Variants in STYXL1 observed in about 807,000 individuals in gnomAD.
The protein encoded by STYXL1 is serine/threonine/tyrosine-interacting-like protein 1.
In STYXL1, 32 loss-of-function variants were observed where a neutral mutation model predicts 36.4. That is an observed-to-expected ratio of 0.88 (90% confidence interval 0.66 to 1.18). The LOEUF is 1.18. STYXL1 is among the 50% of genes most tolerant of loss of function. STYXL1 has a pLI of 0.00. For synonymous variants in STYXL1, 133 were observed against 144.1 expected (o/e 0.92, Z 0.55); for missense variants, 354 against 394.1 (o/e 0.90, Z 0.86).
chr7:75,996,695 C>A, intron 8 of STYXL1, 96 bp from the exon 9 acceptor site: 1 of 1,187,626 alleles, frequency 8.4e-7, no homozygotes, highest in Non-Finnish European at 1.2e-6. Flanking sequence ...GGCACTTGCA[C>A]AGTGCCAGCA....
chr7:76,002,054 C>T (rs555103562), intron 7 of STYXL1, among the ~76,000 whole-genome samples: 2 of 152,238 alleles, frequency 1.3e-5, no homozygotes, highest in African/African-American at 4.8e-5. Context: ...AGTAACCCTC[C>T]GCCTTAGCCT....
intron 1 of STYXL1, among the ~76,000 whole-genome samples, chr7:76,035,958 G>C (rs879998203): frequency 2.7e-5 from 4 of 149,830 alleles, no homozygotes; most frequent in Non-Finnish European, 6.0e-5. Context: ...GGATGAGATC[G>C]GTCCCTGAAC....
rs551742881 is a variant in STYXL1, at chr7:76,025,979, T to C, written c.165+2663A>G. ...AGGCTGAGGTGGGCGGATCATGAGA[T>C]CAGAAGATCGAGAGCATCCTGGCTA... On this transcript the variant is annotated intron_variant, in intron 3 of 8. Coordinates refer to ENST00000359697, the MANE Select transcript of STYXL1 (RefSeq NM_001317785.2). 2.8e-3 allele frequency among the ~76,000 whole-genome samples: 422 copies of C among 150,980 alleles called. 1 individual carries two copies. Among genetic ancestry groups the C allele is most frequent in the Non-Finnish European group, 5.1e-3 (343 of 67,754 alleles).
chr7:76,027,224 T>C (rs1320519282), intron 3 of STYXL1, among the ~76,000 whole-genome samples: 1 of 150,670 alleles, frequency 6.6e-6, no homozygotes, highest in Non-Finnish European at 1.5e-5. Context: ...CCTGGAGGCG[T>C]GGGGAAAAGG....
chr7:76,006,366 C>G (rs992362145), intron 5 of STYXL1, among the ~76,000 whole-genome samples: 1 of 152,138 alleles, frequency 6.6e-6, no homozygotes, highest in African/African-American at 2.4e-5. Flanking sequence ...TGTGAGCCAC[C>G]CTGCATGCCC....
chr7:76,028,524 G>T, intron 3 of STYXL1, 118 bp downstream of exon 3: 1 of 879,318 alleles, frequency 1.1e-6, no homozygotes, highest in Non-Finnish European at 1.9e-6. Flanking sequence ...ACCACGGTGG[G>T]CACATAGAAA....
intron 5 of STYXL1, 97 bp downstream of exon 5, chr7:76,013,645 T>G: frequency 6.4e-7 from 1 of 1,550,518 alleles, no homozygotes; most frequent in Non-Finnish European, 8.9e-7. Context: ...ATATCCTCTG[T>G]CCCATCCTCC....
At chr7:76,040,079 C>A (rs1009636175) in intron 1 of STYXL1, among the ~76,000 whole-genome samples, 4 of 152,172 alleles carry the variant, frequency 2.6e-5, no homozygotes, top group Admixed American at 1.3e-4. Context: ...GCCTGCTAGA[C>A]CCCTGAGAGG....
chr7:75,997,193 G>A (rs1426396014), intron 8 of STYXL1, among the ~76,000 whole-genome samples: 1 of 151,934 alleles, frequency 6.6e-6, no homozygotes, highest in African/African-American at 2.4e-5. Context: ...GCACTTTGGG[G>A]GGCCGAGACG....
At chr7:76,028,566 G>A (rs2116262927) in intron 3 of STYXL1, 76 bp downstream of exon 3, 6 of 1,374,178 alleles carry the variant, frequency 4.4e-6, no homozygotes, top group South Asian at 1.2e-5. Context: ...GCTGGATTGA[G>A]GGTGAAACTT....
intron 3 of STYXL1, among the ~76,000 whole-genome samples, chr7:76,024,137 CAA>C (rs2116138130): frequency 6.6e-6 from 1 of 152,182 alleles, no homozygotes; most frequent in East Asian, 1.9e-4. Flanking sequence ...CTCGGCCTCC[CAA>C]AGTGTTGGGA....
chr7:76,042,703 G>A (rs372180713), intron 1 of STYXL1, among the ~76,000 whole-genome samples: 1 of 151,584 alleles, frequency 6.6e-6, no homozygotes, highest in African/African-American at 2.4e-5. Flanking sequence ...CACTGCAGCC[G>A]GCCCTTATGT....
At chr7:75,996,643 G>A in intron 8 of STYXL1, 44 bp from the exon 9 acceptor site, 3 of 1,598,836 alleles carry the variant, frequency 1.9e-6, no homozygotes, top group Non-Finnish European at 2.6e-6. Flanking sequence ...ATTGGTCCTG[G>A]GCCCTTTCCA....
rs1796636219 is a variant in STYXL1, at chr7:76,043,168, GT to G, written c.-5+4493del. 2.6e-5 allele frequency among the ~76,000 whole-genome samples: 4 copies of G among 152,250 alleles called. 1 individual carries two copies. The South Asian group carries it at 8.3e-4, about 32-fold the overall frequency. Reference sequence around the variant, plus strand: ...ATTAGTATTGCTTTTCTGAGATGGAGTCACGCTCTGTTGCCCAGGCTGGAGT... The same window carrying G: ...ATTAGTATTGCTTTTCTGAGATGGAGCACGCTCTGTTGCCCAGGCTGGAGT... On this transcript the variant is annotated intron_variant, in intron 1 of 8. Transcript: ENST00000359697.
chr7:76,001,193 C>T (rs1370092079), intron 7 of STYXL1, among the ~76,000 whole-genome samples, 191 bp from the exon 8 acceptor site: 4 of 152,188 alleles, frequency 2.6e-5, no homozygotes, highest in Non-Finnish European at 2.9e-5. Flanking sequence ...TCCCTCAGAC[C>T]TGGCTGGAAG....
intron 5 of STYXL1, among the ~76,000 whole-genome samples, chr7:76,005,861 AG>A (rs1554570076): frequency 9.3e-6 from 1 of 107,408 alleles, no homozygotes; most frequent in East Asian, 2.6e-4. Context: ...AGGAGGAGAG[AG>A]GAGGAAGAGA....
At chr7:76,028,368 T>C (rs1794953317) in intron 3 of STYXL1, among the ~76,000 whole-genome samples, 1 of 152,104 alleles carries the variant, frequency 6.6e-6, no homozygotes, top group Non-Finnish European at 1.5e-5. Context: ...TGAGCTATGA[T>C]TGTGCCACTG....
intron 3 of STYXL1, 51 bp downstream of exon 3, chr7:76,028,591 C>T (rs782085313): frequency 1.3e-5 from 21 of 1,564,316 alleles, no homozygotes; most frequent in Admixed American, 1.7e-5. Flanking sequence ...CTCTTCCCCA[C>T]CCCACTGCAA....
chr7:76,014,270 C>T (rs1336835106), intron 4 of STYXL1, among the ~76,000 whole-genome samples: 4 of 151,850 alleles, frequency 2.6e-5, no homozygotes, highest in East Asian at 1.9e-4. Context: ...CCACCATGCC[C>T]GGCTTGAAAT....
Sources: gnomAD v4.1 joint callset for allele counts (sites outside exome capture counted in the v4.1 genomes callset) on GRCh38, gnomAD v4.1.1 for gene constraint, MANE v1.5 for transcripts, NCBI Gene and HGNC (gene_info 2026-07-23, HGNC 2026-07-21) for gene names.